Variants in TENM2 observed in about 807,000 individuals in gnomAD.
TENM2 encodes teneurin-2.
In TENM2, 52 loss-of-function variants were observed where a neutral mutation model predicts 245.2. That is an observed-to-expected ratio of 0.21 (90% CI 0.17 to 0.27). The LOEUF (loss-of-function observed/expected upper bound fraction) is 0.27, where lower values mean the gene tolerates loss of function less well. Ranked by LOEUF, TENM2 falls within the 10% of genes least tolerant of loss-of-function variation. The pLI is 1.00. For missense variants in TENM2, 3,046 were observed against 3,666.8 expected, an observed-to-expected ratio of 0.83 and a Z score of 4.37; for synonymous variants, 1,363 against 1,438.9, an observed-to-expected ratio of 0.95 and a Z score of 1.19.
chr5:167,811,792 A>G (rs1034481856), intron 2 of TENM2, among the ~76,000 whole-genome samples: 1 of 152,172 alleles, frequency 6.6e-6, no homozygotes, highest in Non-Finnish European at 1.5e-5. Context: ...ATGGAATACT[A>G]GGCATATATG....
At chr5:167,989,551 T>C (rs1445552864) in intron 4 of TENM2, among the ~76,000 whole-genome samples, 1 of 152,126 alleles carries the variant, frequency 6.6e-6, no homozygotes, top group Non-Finnish European at 1.5e-5. Flanking sequence ...GAGCCATGGT[T>C]CCATGTTGTA....
At position 167,363,730 on chromosome 5, in the gene TENM2, C is replaced by CA. The variant is rs10659741; in HGVS notation, c.227-11452dup. 2.5e-3 allele frequency among the ~76,000 whole-genome samples: 220 copies of CA among 89,322 alleles called. 15 individuals are homozygous for CA. The highest frequency in any genetic ancestry group is 5.8e-3 in the African/African-American group (130 of 22,388). 58.6% of individuals were successfully genotyped at this position (89,322 alleles called of 152,430 possible). A position where few individuals can be genotyped will look rare whatever the true frequency, so the allele number is the denominator to read the frequency against. On this transcript the variant is annotated intron_variant, in intron 1 of 28. Transcript: ENST00000518659. ...TGGGCAACCAAGCGAGACTCCATCT[C>CA]AAAAAAAAAAAAAAAAGAAAAGAAA...
chr5:167,161,093 T>C, the TENM2 span, among the ~76,000 whole-genome samples: 1 of 152,246 alleles, frequency 6.6e-6, no homozygotes, highest in African/African-American at 2.4e-5. Flanking sequence ...GTGGATATGA[T>C]GCAACTGTTT....
At chr5:168,221,246 A>G (rs1763646234) in intron 23 of TENM2, among the ~76,000 whole-genome samples, 1 of 152,108 alleles carries the variant, frequency 6.6e-6, no homozygotes, top group Non-Finnish European at 1.5e-5. Context: ...GAGTGGCCAT[A>G]TCTTTTTTTT....
At chr5:167,105,504 G>A in the TENM2 span, among the ~76,000 whole-genome samples, 1 of 152,112 alleles carries the variant, frequency 6.6e-6, no homozygotes, top group Non-Finnish European at 1.5e-5. Flanking sequence ...CATAATTTTA[G>A]ATTGCTGTTG....
At chr5:167,478,730 T>C (rs968230760) in intron 2 of TENM2, among the ~76,000 whole-genome samples, 6 of 152,182 alleles carry the variant, frequency 3.9e-5, no homozygotes, top group Admixed American at 2.6e-4. Flanking sequence ...ATGGAAGATA[T>C]TAGTAGCAAA....
At chr5:167,492,199 G>T (rs1386771669) in intron 2 of TENM2, among the ~76,000 whole-genome samples, 1 of 152,120 alleles carries the variant, frequency 6.6e-6, no homozygotes, top group South Asian at 2.1e-4. Flanking sequence ...TTTTATAGAG[G>T]TACTTCTTAA....
At chr5:167,693,756 C>G (rs1367595813) in intron 2 of TENM2, among the ~76,000 whole-genome samples, 1 of 151,920 alleles carries the variant, frequency 6.6e-6, no homozygotes, top group African/African-American at 2.4e-5. Flanking sequence ...GAAGCAAAAC[C>G]AATATGTACA....
intron 2 of TENM2, among the ~76,000 whole-genome samples, chr5:167,838,498 C>T (rs749819185): frequency 1.3e-5 from 2 of 152,170 alleles, no homozygotes; most frequent in Non-Finnish European, 2.9e-5. Context: ...CCATTGCTTA[C>T]TGTCTGCTTG....
rs909161895 is a variant in TENM2 at position 167,554,732 on chromosome 5, A to T, written c.502+179259A>T. On this transcript the variant is annotated intron_variant, in intron 2 of 28. Transcript: ENST00000518659. ...GAGGGGCTGGAATTCAGACCCAACC[A>T]GTTTGACCCCAGGGCCTGTATTCCT... Among the ~76,000 whole-genome samples the T allele has an allele frequency of 1.3e-5, 2 of 152,208 alleles. 1 individual carries two copies. Among genetic ancestry groups the T allele is most frequent in the African/African-American group, 4.8e-5 (2 of 41,452 alleles).
At chr5:167,244,748 C>T in the TENM2 span, among the ~76,000 whole-genome samples, 1 of 152,128 alleles carries the variant, frequency 6.6e-6, no homozygotes, top group African/African-American at 2.4e-5. Context: ...TGGTGTCTCT[C>T]AGTCTCCCAA....
At chr5:167,555,119 A>G (rs1418390510) in intron 2 of TENM2, among the ~76,000 whole-genome samples, 2 of 152,190 alleles carry the variant, frequency 1.3e-5, no homozygotes, top group African/African-American at 4.8e-5. Context: ...ACACACATGC[A>G]CACACAAACA....
chr5:167,113,642 CAA>C, the TENM2 span, among the ~76,000 whole-genome samples: 5,345 of 96,250 alleles, frequency 0.056, 298 homozygotes, highest in African/African-American at 0.16. Flanking sequence ...GATCCTGTCT[CAA>C]AAAAAAAAAA....
At chr5:168,032,898 G>C (rs888071172) in intron 5 of TENM2, among the ~76,000 whole-genome samples, 18 of 152,114 alleles carry the variant, frequency 1.2e-4, no homozygotes, top group Admixed American at 1.3e-4. Context: ...ACCCAGGTAT[G>C]GTAGTCATAT....
chr5:167,979,238 T>C (rs1401250545), intron 4 of TENM2, among the ~76,000 whole-genome samples: 1 of 152,156 alleles, frequency 6.6e-6, no homozygotes, highest in African/African-American at 2.4e-5. Flanking sequence ...AAATGGATTC[T>C]TCTCTAGGTG....
At chr5:167,944,082 T>C (rs1779401319) in intron 3 of TENM2, among the ~76,000 whole-genome samples, 1 of 152,068 alleles carries the variant, frequency 6.6e-6, no homozygotes, top group African/African-American at 2.4e-5. Flanking sequence ...AAAGAATGAG[T>C]ATAGGGGCAA....
intron 2 of TENM2, among the ~76,000 whole-genome samples, chr5:167,674,487 A>C (rs539660412): frequency 6.6e-6 from 1 of 152,252 alleles, no homozygotes; most frequent in Admixed American, 6.5e-5. Flanking sequence ...GATATGCAAA[A>C]CTGACAGTCA....
intron 2 of TENM2, among the ~76,000 whole-genome samples, chr5:167,857,027 G>A (rs1329624920): frequency 5.3e-5 from 8 of 152,094 alleles, no homozygotes; most frequent in African/African-American, 9.7e-5. Flanking sequence ...TGCAGATTCC[G>A]CAACCACCTA....
intron 1 of TENM2, among the ~76,000 whole-genome samples, chr5:167,292,633 A>G (rs1193723655): frequency 6.6e-6 from 1 of 152,246 alleles, no homozygotes; most frequent in Admixed American, 6.5e-5. Flanking sequence ...TGATTCAAAA[A>G]TATTTCAGGG....
Sources: allele counts gnomAD v4.1 joint callset (sites outside exome capture counted in the v4.1 genomes callset), GRCh38; gene constraint gnomAD v4.1.1; transcripts MANE v1.5; gene names NCBI Gene and HGNC (gene_info 2026-07-23, HGNC 2026-07-21).